ERC2: variants seen among roughly 807,000 people sequenced by gnomAD.
The protein encoded by ERC2 is ELKS/RAB6-interacting/CAST family member 2.
Under a neutral mutation model 114.8 loss-of-function variants are expected in ERC2, and 42 were observed. The observed-to-expected ratio is 0.37, with a 90% CI of 0.29 to 0.47. The LOEUF (loss-of-function observed/expected upper bound fraction) is 0.47, where lower values mean the gene tolerates loss of function less well. Ranked by LOEUF, ERC2 falls within the 20% of genes least tolerant of loss-of-function variation. The pLI, the probability that ERC2 is intolerant of heterozygous loss-of-function variation, is 0.99. For missense variants in ERC2, 939 were observed against 1,150.7 expected (o/e 0.82, Z 2.66); for synonymous variants, 454 against 425.5 (o/e 1.07, Z -0.82).
At chr3:55,571,411 A>C (rs2056706622) in intron 17 of ERC2, among the ~76,000 whole-genome samples, 1 of 152,062 alleles carries the variant, frequency 6.6e-6, no homozygotes, top group South Asian at 2.1e-4. Context: ...CCCGACCCCA[A>C]CCACTTCCTC....
chr3:55,565,281 A>AT (rs1407480801), intron 17 of ERC2, among the ~76,000 whole-genome samples: 1 of 152,282 alleles, frequency 6.6e-6, no homozygotes, highest in African/African-American at 2.4e-5. Flanking sequence ...TATCCAACAT[A>AT]AATATTAGAA....
Position 56,012,317 on chromosome 3 carries a change from C to T in ERC2, c.1780-1728G>A, listed in dbSNP as rs188176475. On this transcript the variant is annotated intron_variant, in intron 8 of 17. Coordinates refer to ENST00000288221, the MANE Select transcript of ERC2 (RefSeq NM_015576.3). ...CGACATTTCTAAAGCTCCAAAAGGACCTGTCGTCTCACTATTTGGAAACCT... is the reference window on the plus strand; with the variant it reads ...CGACATTTCTAAAGCTCCAAAAGGATCTGTCGTCTCACTATTTGGAAACCT... Among the ~76,000 whole-genome samples, 126 of 152,270 alleles carry T rather than the reference C, an allele frequency of 8.3e-4. 1 individual carries two copies. The highest frequency in any genetic ancestry group is 3.0e-3 in the African/African-American group (123 of 41,564).
intron 1 of ERC2, among the ~76,000 whole-genome samples, chr3:56,450,216 T>A (rs2062768819): frequency 6.6e-6 from 1 of 152,200 alleles, no homozygotes; most frequent in Non-Finnish European, 1.5e-5. Flanking sequence ...ACTCTCTCCT[T>A]TAGTTCCCCC....
chr3:55,961,052 C>T lies in ERC2; in HGVS notation c.2268-10492G>A, dbSNP rs377375465. 4.8e-4 allele frequency among the ~76,000 whole-genome samples: 73 copies of T among 152,336 alleles called. 1 individual carries two copies. Among genetic ancestry groups the T allele is most frequent in the Admixed American group, 4.2e-3 (65 of 15,302 alleles). ...AGGAGGCTGAGCTACTCCGCTGGGG[C>T]GGAGGTTGCAGTGAGCCAAGATCGT... On this transcript the variant is annotated intron_variant, in intron 12 of 17. Coordinates refer to ENST00000288221, the MANE Select transcript of ERC2 (RefSeq NM_015576.3).
intron 2 of ERC2, among the ~76,000 whole-genome samples, chr3:56,372,316 C>A (rs569591598): frequency 7.2e-5 from 11 of 152,266 alleles, no homozygotes; most frequent in Admixed American, 5.2e-4. Context: ...CACTATATTC[C>A]AGGCACAATT....
At chr3:55,569,431 C>A (rs1304760573) in intron 17 of ERC2, among the ~76,000 whole-genome samples, 3 of 152,118 alleles carry the variant, frequency 2.0e-5, no homozygotes, top group Admixed American at 2.0e-4. Context: ...AAGAGGCATG[C>A]GCTGCTCTGC....
intron 17 of ERC2, among the ~76,000 whole-genome samples, chr3:55,680,163 C>T (rs553978793): frequency 6.6e-6 from 1 of 152,330 alleles, no homozygotes; most frequent in South Asian, 2.1e-4. Context: ...AGCATCACAG[C>T]CTCATGCCAA....
chr3:56,351,333 T>A (rs1055334453), intron 2 of ERC2, among the ~76,000 whole-genome samples: 3 of 152,096 alleles, frequency 2.0e-5, no homozygotes, highest in Non-Finnish European at 4.4e-5. Flanking sequence ...TAACTGACCA[T>A]TTGTACGCAT....
chr3:56,422,681 C>A (rs1454163968), intron 2 of ERC2, among the ~76,000 whole-genome samples: 2 of 152,158 alleles, frequency 1.3e-5, no homozygotes, highest in Non-Finnish European at 2.9e-5. Flanking sequence ...GGTTTTCAAG[C>A]AAGTTTGATG....
intron 11 of ERC2, among the ~76,000 whole-genome samples, chr3:55,990,833 A>T (rs1326689506): frequency 1.3e-5 from 2 of 152,226 alleles, no homozygotes; most frequent in Non-Finnish European, 2.9e-5. Context: ...ACTCACTTCT[A>T]ACAAGATTCA....
intron 15 of ERC2, among the ~76,000 whole-genome samples, chr3:55,723,167 T>C (rs980205152): frequency 1.3e-5 from 2 of 152,114 alleles, no homozygotes; most frequent in African/African-American, 4.8e-5. Flanking sequence ...CATGGGAAAA[T>C]GCACAAAATA....
intron 1 of ERC2, among the ~76,000 whole-genome samples, chr3:56,454,692 A>C (rs2062977747): frequency 6.6e-6 from 1 of 152,148 alleles, no homozygotes; most frequent in African/African-American, 2.4e-5. Flanking sequence ...TTTACTAAAA[A>C]ATACAAAAAT....
chr3:55,855,223 G>A (rs374798574), intron 14 of ERC2, among the ~76,000 whole-genome samples: 3 of 152,278 alleles, frequency 2.0e-5, no homozygotes, highest in African/African-American at 7.2e-5. Context: ...CAATATGACT[G>A]AAATCTGCGA....
intron 2 of ERC2, among the ~76,000 whole-genome samples, chr3:56,297,074 G>A (rs1271087209): frequency 6.6e-6 from 1 of 151,914 alleles, no homozygotes; most frequent in Admixed American, 6.6e-5. Context: ...TGCAAAGAGT[G>A]GACAAACCTT....
chr3:56,000,586 CA>C (rs1041907532), intron 10 of ERC2, among the ~76,000 whole-genome samples: 4 of 150,608 alleles, frequency 2.7e-5, no homozygotes, highest in South Asian at 2.1e-4. Flanking sequence ...GTTAAAAAGG[CA>C]AAAAAAAATT....
chr3:56,236,249 A>T (rs2050937172), intron 3 of ERC2, among the ~76,000 whole-genome samples: 1 of 151,686 alleles, frequency 6.6e-6, no homozygotes, highest in East Asian at 1.9e-4. Context: ...CTGCATATAG[A>T]TTTGGAGCTT....
intron 17 of ERC2, among the ~76,000 whole-genome samples, chr3:55,675,715 C>T (rs1009615542): frequency 2.0e-5 from 3 of 152,050 alleles, no homozygotes; most frequent in African/African-American, 7.2e-5. Context: ...CAAAATGAAA[C>T]CTGTGAGCCT....
chr3:56,299,111 T>C (rs74761850), intron 2 of ERC2, among the ~76,000 whole-genome samples: 1 of 136,490 alleles, frequency 7.3e-6, no homozygotes, highest in Non-Finnish European at 1.6e-5. Context: ...TTTTTGTTTT[T>C]TTTTTTTGTT....
intron 14 of ERC2, among the ~76,000 whole-genome samples, chr3:55,784,262 T>C (rs919365852): frequency 6.6e-6 from 1 of 152,216 alleles, no homozygotes; most frequent in African/African-American, 2.4e-5. Context: ...CACACAATGA[T>C]GGAATGAAGA....
Sources: gnomAD v4.1 joint callset for allele counts (sites outside exome capture counted in the v4.1 genomes callset) on GRCh38, gnomAD v4.1.1 for gene constraint, MANE v1.5 for transcripts, NCBI Gene and HGNC (gene_info 2026-07-23, HGNC 2026-07-21) for gene names.